WFDC5: variants seen among roughly 807,000 people sequenced by gnomAD.
The protein encoded by WFDC5 is WAP four-disulfide core domain 5.
WFDC5 carries 15 observed loss-of-function variants against 15.7 expected under a neutral mutation model. The ratio of observed to expected loss-of-function variants is 0.96; its 90% confidence interval spans 0.64 to 1.47. The LOEUF is 1.47. WFDC5 is among the 40% of genes most tolerant of loss of function. WFDC5 has a pLI of 0.00. For synonymous variants in WFDC5, 109 were observed against 107.7 expected, an observed-to-expected ratio of 1.01 and a Z score of -0.07; for missense variants, 280 against 258.0, an observed-to-expected ratio of 1.09 and a Z score of -0.59.
intron 1 of WFDC5, 63 bp from the exon 2 acceptor site, chr20:45,110,838 C>T (rs1310686148): frequency 1.3e-6 from 2 of 1,595,906 alleles, no homozygotes; most frequent in Admixed American, 1.7e-5. Context: ...TAAGCGCTGA[C>T]CTGGGAATGA....
At chr20:45,115,801 T>A (rs1981746111), upstream of WFDC5, among the ~76,000 whole-genome samples, 1 of 152,124 alleles carries the variant, frequency 6.6e-6, no homozygotes, top group African/African-American at 2.4e-5. Flanking sequence ...ACCTCTTCTC[T>A]GGCCCTAAGG....
chr20:45,111,853 AC>A (rs551106962), intron 1 of WFDC5, among the ~76,000 whole-genome samples: 35 of 152,214 alleles, frequency 2.3e-4, no homozygotes, highest in African/African-American at 7.9e-4. Context: ...GTGAGTGTCC[AC>A]CCTGAGCTGT....
exon 4 of WFDC5, chr20:45,109,948 A>G (rs1219879016): frequency 1.2e-6 from 2 of 1,613,384 alleles, no homozygotes; most frequent in African/African-American, 2.7e-5. Flanking sequence ...CAGGCCTCCC[A>G]TCGTGAACTC....
intron 1 of WFDC5, 86 bp downstream of exon 1, chr20:45,114,913 A>G: frequency 6.9e-7 from 1 of 1,447,628 alleles, no homozygotes; most frequent in Non-Finnish European, 9.5e-7. Context: ...CCCACAGGGC[A>G]TTACCTGCCT....
intron 1 of WFDC5, 116 bp downstream of exon 1, chr20:45,114,879 GCACA>G (rs916010178): frequency 1.3e-5 from 11 of 868,030 alleles, no homozygotes; most frequent in Non-Finnish European, 1.7e-5. Flanking sequence ...ACGCACGCAC[GCACA>G]CACACACGCG....
intron 3 of WFDC5, 33 bp from the exon 4 acceptor site, chr20:45,110,046 C>A: frequency 6.2e-7 from 1 of 1,603,714 alleles, no homozygotes; most frequent in Non-Finnish European, 8.5e-7. Context: ...TTAATTCCTT[C>A]CCATAATAGG....
intron 1 of WFDC5, among the ~76,000 whole-genome samples, chr20:45,112,752 C>T (rs1009807410): frequency 6.6e-6 from 1 of 152,188 alleles, no homozygotes; most frequent in Non-Finnish European, 1.5e-5. Context: ...CAGTAGGAAA[C>T]TGCAGATAGT....
At chr20:45,110,321 A>G in intron 3 of WFDC5, 79 bp downstream of exon 3, 1 of 1,534,242 alleles carries the variant, frequency 6.5e-7, no homozygotes, top group Non-Finnish European at 8.7e-7. Flanking sequence ...GCATCCTGTT[A>G]AGCTTGTAGC....
exon 3 of WFDC5, chr20:45,110,378 C>A: frequency 1.3e-6 from 2 of 1,583,058 alleles, no homozygotes; most frequent in Non-Finnish European, 1.7e-6. Flanking sequence ...AGGCACCTGC[C>A]CTGGGCACCC....
exon 1 of WFDC5, chr20:45,115,105 C>T (rs1209825770): frequency 1.2e-6 from 2 of 1,606,204 alleles, no homozygotes; most frequent in Admixed American, 1.7e-5. Context: ...CGGCTCAGGG[C>T]CCAGGGCCCC....
At chr20:45,111,830 C>G (rs1981628715) in intron 1 of WFDC5, among the ~76,000 whole-genome samples, 1 of 152,172 alleles carries the variant, frequency 6.6e-6, no homozygotes, top group Admixed American at 6.5e-5. Context: ...GGGCCCGGCT[C>G]CCTCTGACCT....
chr20:45,110,134 G>T, intron 3 of WFDC5, 121 bp from the exon 4 acceptor site: 2 of 1,415,756 alleles, frequency 1.4e-6, no homozygotes, highest in Non-Finnish European at 1.9e-6. Context: ...GGATTCCTCT[G>T]CCCCCTTCAA....
chr20:45,115,196 T>C (rs1318542341), upstream of WFDC5: 2 of 972,322 alleles, frequency 2.1e-6, no homozygotes, highest in Admixed American at 5.3e-5. Context: ...AGTGACACCG[T>C]GCCTGCTTCA....
At chr20:45,110,800 C>A (rs1388382803) in intron 1 of WFDC5, 25 bp from the exon 2 acceptor site, 1 of 1,612,750 alleles carries the variant, frequency 6.2e-7, no homozygotes, top group Admixed American at 1.7e-5. Flanking sequence ...CCTAATATTG[C>A]AGCTGGAGGA....
intron 1 of WFDC5, among the ~76,000 whole-genome samples, chr20:45,114,345 C>T (rs2145528233): frequency 6.6e-6 from 1 of 152,278 alleles, no homozygotes; most frequent in Admixed American, 6.5e-5. Flanking sequence ...CACCTGTCAG[C>T]AGGCCAGCCC....
At chr20:45,112,002 CT>C (rs756599966) in intron 1 of WFDC5, among the ~76,000 whole-genome samples, 2 of 152,226 alleles carry the variant, frequency 1.3e-5, no homozygotes, top group Non-Finnish European at 2.9e-5. Context: ...CCTCAGCCCC[CT>C]GCCTGGGTGC....
exon 1 of WFDC5, chr20:45,115,111 GC>G: frequency 1.9e-6 from 3 of 1,605,266 alleles, no homozygotes; most frequent in Non-Finnish European, 8.5e-7. Context: ...AGGGCCCAGG[GC>G]CCCCCAGATT....
intron 1 of WFDC5, among the ~76,000 whole-genome samples, chr20:45,111,132 C>G (rs1324521164): frequency 6.6e-6 from 1 of 152,222 alleles, no homozygotes; most frequent in Admixed American, 6.5e-5. Flanking sequence ...CAAGCCAGCT[C>G]TCTCTGCAGG....
chr20:45,110,763 C>T (rs2145524601), exon 2 of WFDC5: 2 of 1,613,988 alleles, frequency 1.2e-6, no homozygotes, highest in East Asian at 4.5e-5. Context: ...TGGCGGGCAG[C>T]CCCCCGATTT....
Sources: allele counts gnomAD v4.1 joint callset (sites outside exome capture counted in the v4.1 genomes callset), GRCh38; gene constraint gnomAD v4.1.1; transcripts MANE v1.5; gene names NCBI Gene and HGNC (gene_info 2026-07-23, HGNC 2026-07-21).